Variants in ZNF227 observed in about 807,000 individuals in gnomAD.
ZNF227 encodes the protein zinc finger protein 227.
A neutral mutation model predicts 13.2 loss-of-function variants in ZNF227; 12 were observed. That is an observed-to-expected ratio of 0.91 (90% CI 0.58 to 1.47). The LOEUF (loss-of-function observed/expected upper bound fraction) is 1.47. ZNF227 is among the 40% of genes most tolerant of loss of function. The pLI, the probability that ZNF227 is intolerant of heterozygous loss-of-function variation, is 0.00. For missense variants in ZNF227, 885 were observed against 967.5 expected, an observed-to-expected ratio of 0.91 and a Z score of 1.13; for synonymous variants, 338 against 326.0, an observed-to-expected ratio of 1.04 and a Z score of -0.40.
intron 5 of ZNF227, among the ~76,000 whole-genome samples, chr19:44,231,575 C>T (rs1973849301): frequency 6.6e-6 from 1 of 152,148 alleles, no homozygotes. Context: ...TCGTGGTCCA[C>T]CTGTCTCAGC....
upstream of ZNF227, among the ~76,000 whole-genome samples, chr19:44,208,457 A>T (rs1420577124): frequency 1.3e-5 from 2 of 152,212 alleles, no homozygotes; most frequent in Admixed American, 1.3e-4. Flanking sequence ...AGATGTTTAT[A>T]TTCAAAAGGG....
At chr19:44,225,717 C>T (rs1599812072) in intron 3 of ZNF227, among the ~76,000 whole-genome samples, 1 of 152,160 alleles carries the variant, frequency 6.6e-6, no homozygotes. Context: ...TTTGAATTTC[C>T]TCCTGAAGCT....
rs1268852467 is a variant in ZNF227 at position 44,217,772 on chromosome 19, C to T, written c.-2-19C>T. ...CTAACAGCAGGCTTGTGTCTCATGG[C>T]GTCTTTGGTCTCCCCCAGTTATGCC... On this transcript the variant is annotated intron_variant, in intron 2 of 5. Transcript: ENST00000313040. The T allele has an allele frequency of 6.2e-6, 10 of 1,613,918 alleles. No homozygotes were observed. The highest frequency in any genetic ancestry group is 1.6e-4 in the Middle Eastern group (1 of 6,084).
chr19:44,231,482 G>A (rs1308875617), intron 5 of ZNF227, among the ~76,000 whole-genome samples: 1 of 151,048 alleles, frequency 6.6e-6, no homozygotes, highest in Non-Finnish European at 1.5e-5. Context: ...ACAGGCGCCT[G>A]CCACCACACC....
At chr19:44,225,119 G>A (rs1972968050) in intron 3 of ZNF227, among the ~76,000 whole-genome samples, 2 of 151,970 alleles carry the variant, frequency 1.3e-5, no homozygotes, top group Admixed American at 1.3e-4. Flanking sequence ...GGCTTGTAGA[G>A]TTTCTGCCGA....
rs1257203379 is a variant in ZNF227, at chr19:44,235,333, A to T, written c.903A>T (p.Glu301Asp). The change falls in exon 6 of 6, where the codon GAA becomes GAT. Residue 301 changes from glutamate (E) to aspartate (D), a missense_variant. By Grantham distance (45) the Glu-to-Asp change is conservative. Coordinates refer to ENST00000313040, the MANE Select transcript of ZNF227 (RefSeq NM_182490.3). ...HPGEKLNRCH[E>D]SGDCFNKSSF... ...GAGAGAAACTCAATAGATGTCATGAATCTGGTGATTGCTTCAATAAGAGCT... is the reference window on the plus strand; with the variant it reads ...GAGAGAAACTCAATAGATGTCATGATTCTGGTGATTGCTTCAATAAGAGCT... 6.2e-7 allele frequency: 1 copy of T among 1,614,050 alleles called. No homozygotes were observed. The highest frequency in any genetic ancestry group is 8.5e-7 in the Non-Finnish European group (1 of 1,180,040).
Position 44,236,553 on chromosome 19 carries a change from G to T in ZNF227, c.2123G>T (p.Arg708Met), listed in dbSNP as rs770322112. Residue 708 changes from arginine to methionine, a missense_variant, in exon 6 of 6, where the codon AGG (arginine) becomes ATG (methionine). Coordinates refer to ENST00000313040, the MANE Select transcript of ZNF227 (RefSeq NM_182490.3). ...GRSLNLRHHQRVHTGEKPHIC... is the reference protein window; with the variant it reads ...GRSLNLRHHQMVHTGEKPHIC... ...AGCTTGAATCTTCGCCATCATCAGA[G>T]GGTCCACACGGGAGAGAAACCCCAT... The T allele has an allele frequency of 6.2e-7, 1 of 1,613,728 alleles. No homozygotes were observed. The highest frequency in any genetic ancestry group is 8.5e-7 in the Non-Finnish European group (1 of 1,179,974).
chr19:44,235,409 G>T lies in ZNF227; in HGVS notation c.979G>T (p.Asp327Tyr). The T allele has an allele frequency of 6.2e-7, 1 of 1,614,084 alleles. No homozygotes were observed. The highest frequency in any genetic ancestry group is 1.1e-5 in the South Asian group (1 of 91,070). Residue 327 changes from aspartate (D) to tyrosine (Y), a missense_variant, in exon 6 of 6, where the codon GAC becomes TAC. Transcript: ENST00000313040. ...NHTGEKSYRC[D>Y]SCGKGFSSST... is the part of the protein sequence containing the mutation. ...TACAGGAGAGAAGTCTTATAGATGC[G>T]ACAGTTGCGGCAAGGGATTCAGTAG...
At chr19:44,228,034 G>C (rs1973358021) in intron 3 of ZNF227, among the ~76,000 whole-genome samples, 1 of 152,146 alleles carries the variant, frequency 6.6e-6, no homozygotes, top group Non-Finnish European at 1.5e-5. Context: ...TTTGAGACCA[G>C]CCTGGCCAAC....
intron 3 of ZNF227, 23 bp from the exon 4 acceptor site, chr19:44,228,423 G>T (rs777223692): frequency 6.2e-7 from 1 of 1,604,178 alleles, no homozygotes; most frequent in Non-Finnish European, 8.5e-7. Flanking sequence ...TAAGATTGAG[G>T]TTACATGTGT....
chr19:44,236,101 C>T lies in ZNF227; in HGVS notation c.1671C>T (p.Phe557=). 1 of 1,613,674 alleles carries T rather than the reference C, an allele frequency of 6.2e-7. No individual in the cohort carries two copies. Among genetic ancestry groups the T allele is most frequent in the Non-Finnish European group, 8.5e-7 (1 of 1,179,890 alleles). The change falls in exon 6 of 6, where the codon TTC becomes TTT. Residue 557 remains phenylalanine, a synonymous_variant. Coordinates refer to ENST00000313040, the MANE Select transcript of ZNF227 (RefSeq NM_182490.3). ...PYRCDVCGKD[F]SYSSNLKLHQ... is the part of the protein sequence containing the mutation. ...GATGTGATGTGTGTGGTAAGGACTT[C>T]AGTTATAGTTCAAATCTTAAACTAC...
intron 3 of ZNF227, among the ~76,000 whole-genome samples, chr19:44,219,069 T>C (rs542613143): frequency 1.1e-4 from 17 of 152,306 alleles, no homozygotes; most frequent in African/African-American, 4.1e-4. Context: ...GTATTTTTAT[T>C]AGAGACGGGG....
intron 3 of ZNF227, among the ~76,000 whole-genome samples, chr19:44,219,346 G>T (rs1314021685): frequency 2.6e-5 from 4 of 152,164 alleles, no homozygotes; most frequent in Non-Finnish European, 5.9e-5. Context: ...TACAGCAAAA[G>T]CTATCAGGTA....
upstream of ZNF227, among the ~76,000 whole-genome samples, chr19:44,211,705 G>A (rs908400398): frequency 6.6e-6 from 1 of 151,870 alleles, no homozygotes; most frequent in African/African-American, 2.4e-5. Flanking sequence ...AATATATTCT[G>A]CCTTCGTTGC....
At chr19:44,208,549 C>A (rs541559311), upstream of ZNF227, among the ~76,000 whole-genome samples, 11 of 152,008 alleles carry the variant, frequency 7.2e-5, no homozygotes, top group Non-Finnish European at 1.3e-4. Flanking sequence ...AATTTACATG[C>A]GTATCAAAAG....
chr19:44,231,460 G>A (rs752566442), intron 5 of ZNF227, among the ~76,000 whole-genome samples: 6 of 152,022 alleles, frequency 3.9e-5, no homozygotes, highest in Non-Finnish European at 7.4e-5. Context: ...AGCCTCCCGA[G>A]TAGCTGGGAT....
intron 3 of ZNF227, among the ~76,000 whole-genome samples, chr19:44,218,077 T>C (rs2122707788): frequency 6.6e-6 from 1 of 152,352 alleles, no homozygotes; most frequent in South Asian, 2.1e-4. Flanking sequence ...TCTATGCTAC[T>C]ACCCTGCTTA....
chr19:44,208,719 G>A (rs773240007), upstream of ZNF227, among the ~76,000 whole-genome samples: 1 of 152,124 alleles, frequency 6.6e-6, no homozygotes, highest in Non-Finnish European at 1.5e-5. Flanking sequence ...TCTCCACGCT[G>A]TACATTTTTC....
At chr19:44,233,103 T>C (rs1185304831) in intron 5 of ZNF227, among the ~76,000 whole-genome samples, 1 of 152,154 alleles carries the variant, frequency 6.6e-6, no homozygotes, top group African/African-American at 2.4e-5. Flanking sequence ...GTTGCTATTT[T>C]TTTTTCAGTT....
Sources: gnomAD v4.1 joint callset for allele counts (sites outside exome capture counted in the v4.1 genomes callset) on GRCh38, gnomAD v4.1.1 for gene constraint, MANE v1.5 for transcripts, NCBI Gene and HGNC (gene_info 2026-07-23, HGNC 2026-07-21) for gene names.